The following CSTPP1 variants were observed in gnomAD, a reference collection of about 807,000 sequenced individuals.
The protein encoded by CSTPP1 is centriolar satellite-associated tubulin polyglutamylase complex regulator 1.
the CSTPP1 span, among the ~76,000 whole-genome samples, chr11:47,081,695 A>G: frequency 6.6e-6 from 1 of 152,186 alleles, no homozygotes; most frequent in Non-Finnish European, 1.5e-5. Context: ...TACATTGGGG[A>G]GAGCATTTAA....
chr11:47,096,620 C>A, the CSTPP1 span, among the ~76,000 whole-genome samples: 1 of 152,194 alleles, frequency 6.6e-6, no homozygotes, highest in Non-Finnish European at 1.5e-5. Context: ...TGGAATCATA[C>A]AGACTCCTTT....
At chr11:47,032,319 TTAC>T in the CSTPP1 span, among the ~76,000 whole-genome samples, 1 of 152,224 alleles carries the variant, frequency 6.6e-6, no homozygotes, top group African/African-American at 2.4e-5. Context: ...AAACCAAATT[TTAC>T]TACTGTTGTG....
At chr11:47,008,004 G>A in the CSTPP1 span, among the ~76,000 whole-genome samples, 1 of 151,812 alleles carries the variant, frequency 6.6e-6, no homozygotes, top group Non-Finnish European at 1.5e-5. Flanking sequence ...GTCTCACTCT[G>A]TCGCCCAGGC....
chr11:47,054,418 C>G, the CSTPP1 span, among the ~76,000 whole-genome samples: 2 of 151,314 alleles, frequency 1.3e-5, no homozygotes, highest in Non-Finnish European at 2.9e-5. Flanking sequence ...CTCAAGTGAT[C>G]TTCCTAACTC....
chr11:47,080,382 G>A, the CSTPP1 span, among the ~76,000 whole-genome samples: 1 of 152,190 alleles, frequency 6.6e-6, no homozygotes, highest in Non-Finnish European at 1.5e-5. Flanking sequence ...TTGAACCCGG[G>A]AGATGGAGGT....
chr11:46,987,216 C>A, the CSTPP1 span: 1 of 1,613,958 alleles, frequency 6.2e-7, no homozygotes, highest in Non-Finnish European at 8.5e-7. Flanking sequence ...AGCTCAGCGA[C>A]ATGTCCTCAC....
At chr11:47,052,102 T>C in the CSTPP1 span, 22 of 218,052 alleles carry the variant, frequency 1.0e-4, no homozygotes, top group Non-Finnish European at 1.6e-4. Context: ...CTAAAAGGCT[T>C]TCCTCCATAT....
the CSTPP1 span, chr11:47,041,914 A>C: frequency 3.5e-6 from 1 of 289,032 alleles, no homozygotes; most frequent in Non-Finnish European, 7.1e-6. Flanking sequence ...TGCATTTCTC[A>C]ATGATGTTGC....
the CSTPP1 span, among the ~76,000 whole-genome samples, chr11:47,000,731 A>G: frequency 1.3e-5 from 2 of 152,224 alleles, no homozygotes; most frequent in East Asian, 3.9e-4. Context: ...CAAATAAGGT[A>G]CCTATCTTTA....
chr11:47,152,175 A>G, the CSTPP1 span, among the ~76,000 whole-genome samples: 2 of 151,708 alleles, frequency 1.3e-5, no homozygotes, highest in Non-Finnish European at 1.5e-5. Context: ...ACCTGAACCT[A>G]GGAGGCGGAG....
the CSTPP1 span, among the ~76,000 whole-genome samples, chr11:47,118,069 G>A: frequency 1.3e-5 from 2 of 151,660 alleles, no homozygotes; most frequent in African/African-American, 2.4e-5. Flanking sequence ...TAGTAGAGAC[G>A]GGGTTTCACC....
At chr11:47,158,890 G>A in the CSTPP1 span, among the ~76,000 whole-genome samples, 1 of 152,142 alleles carries the variant, frequency 6.6e-6, no homozygotes, top group African/African-American at 2.4e-5. Flanking sequence ...GATCCCAGGT[G>A]CCTGAGTCTC....
chr11:46,959,184 TTTG>T, the CSTPP1 span, among the ~76,000 whole-genome samples: 1 of 151,810 alleles, frequency 6.6e-6, no homozygotes, highest in Non-Finnish European at 1.5e-5. Flanking sequence ...GAGTTTCTTT[TTTG>T]TTGTTGTTTT....
chr11:46,958,105 T>G, the CSTPP1 span, among the ~76,000 whole-genome samples: 1 of 152,218 alleles, frequency 6.6e-6, no homozygotes, highest in South Asian at 2.1e-4. Flanking sequence ...ATGAATGATC[T>G]ACTTCCACTT....
At chr11:47,141,480 G>A in the CSTPP1 span, among the ~76,000 whole-genome samples, 2 of 151,912 alleles carry the variant, frequency 1.3e-5, no homozygotes, top group Non-Finnish European at 2.9e-5. Flanking sequence ...GGTGGTGTGC[G>A]TCTGTGGTCC....
the CSTPP1 span, among the ~76,000 whole-genome samples, chr11:47,021,973 T>G: frequency 6.6e-6 from 1 of 152,056 alleles, no homozygotes; most frequent in Non-Finnish European, 1.5e-5. Flanking sequence ...GTTGTCCTTT[T>G]TGTCTCCCTA....
At chr11:47,090,836 G>C in the CSTPP1 span, among the ~76,000 whole-genome samples, 1 of 151,884 alleles carries the variant, frequency 6.6e-6, no homozygotes, top group Admixed American at 6.6e-5. Context: ...TCAGGAGATC[G>C]AGACCATCCT....
the CSTPP1 span, among the ~76,000 whole-genome samples, chr11:47,051,691 CTTTTT>C: frequency 1.5e-5 from 2 of 133,022 alleles, no homozygotes; most frequent in African/African-American, 2.8e-5. Flanking sequence ...TATCTTTTTT[CTTTTT>C]TTTTTTTTTT....
At chr11:46,995,386 T>A in the CSTPP1 span, among the ~76,000 whole-genome samples, 2 of 152,214 alleles carry the variant, frequency 1.3e-5, no homozygotes, top group Non-Finnish European at 2.9e-5. Context: ...CAGTTTTAGA[T>A]CTTTCCTGCT....
Sources: gnomAD v4.1 joint callset for allele counts (sites outside exome capture counted in the v4.1 genomes callset) on GRCh38, gnomAD v4.1.1 for gene constraint, MANE v1.5 for transcripts, NCBI Gene and HGNC (gene_info 2026-07-23, HGNC 2026-07-21) for gene names.